Variants in EPHB1 observed in about 807,000 individuals in gnomAD.
The protein encoded by EPHB1 is ephrin type-B receptor 1.
In EPHB1, 30 loss-of-function variants were observed where a neutral mutation model predicts 94.4. The ratio of observed to expected loss-of-function variants is 0.32; its 90% CI spans 0.24 to 0.43. The LOEUF is 0.43. EPHB1 is among the 20% of genes least tolerant of loss of function. The pLI, the probability that EPHB1 is intolerant of heterozygous loss-of-function variation, is 1.00. For missense variants in EPHB1, 1,055 were observed against 1,308.3 expected (o/e 0.81, Z 2.99); for synonymous variants, 522 against 489.1 (o/e 1.07, Z -0.89).
chr3:134,835,269 A>T (rs1328338259), intron 1 of EPHB1, among the ~76,000 whole-genome samples: 1 of 152,248 alleles, frequency 6.6e-6, no homozygotes, highest in Non-Finnish European at 1.5e-5. Context: ...CAGAGAAACA[A>T]GTTCCATCCC....
intron 2 of EPHB1, among the ~76,000 whole-genome samples, chr3:134,938,216 G>T (rs1257963948): frequency 6.6e-6 from 1 of 152,174 alleles, no homozygotes; most frequent in Non-Finnish European, 1.5e-5. Flanking sequence ...TGTCATAATG[G>T]CTGAGGACCC....
intron 2 of EPHB1, among the ~76,000 whole-genome samples, chr3:134,945,474 C>T (rs2039201144): frequency 6.6e-6 from 1 of 152,090 alleles, no homozygotes; most frequent in African/African-American, 2.4e-5. Context: ...GTTATCACTA[C>T]AATTTTTAAA....
intron 3 of EPHB1, among the ~76,000 whole-genome samples, chr3:135,085,904 C>A (rs1938344879): frequency 6.6e-6 from 1 of 152,288 alleles, no homozygotes; most frequent in African/African-American, 2.4e-5. Flanking sequence ...TAGTGCCATA[C>A]ACACAAATTA....
At chr3:134,963,710 G>T (rs1933620107) in intron 3 of EPHB1, among the ~76,000 whole-genome samples, 2 of 152,054 alleles carry the variant, frequency 1.3e-5, no homozygotes, top group African/African-American at 4.8e-5. Context: ...GGTTCTGCTG[G>T]TAACCACTAT....
At chr3:135,048,267 T>TTC (rs964780589) in intron 3 of EPHB1, among the ~76,000 whole-genome samples, 5 of 132,054 alleles carry the variant, frequency 3.8e-5, no homozygotes, top group Admixed American at 1.5e-4. Flanking sequence ...TTCTTTTTTT[T>TTC]TTTTTTTTTT....
intron 4 of EPHB1, among the ~76,000 whole-genome samples, chr3:135,130,108 C>T (rs1221924015): frequency 1.3e-5 from 2 of 152,088 alleles, no homozygotes; most frequent in Admixed American, 6.5e-5. Flanking sequence ...GAGACTATAT[C>T]GGAGAAATGC....
chr3:135,086,233 G>T (rs1938356265), intron 3 of EPHB1, among the ~76,000 whole-genome samples: 2 of 151,744 alleles, frequency 1.3e-5, no homozygotes, highest in Admixed American at 1.3e-4. Context: ...TCCAGAATCA[G>T]CCAGGCCCAA....
chr3:135,255,313 TG>T, intron 15 of EPHB1, among the ~76,000 whole-genome samples: 1 of 152,104 alleles, frequency 6.6e-6, no homozygotes, highest in Admixed American at 6.6e-5. Context: ...TTTGTTAGGG[TG>T]TCAATTTTGG....
In EPHB1 at chr3:135,192,752, G is replaced by C; in HGVS notation, c.2059G>C (p.Val687Leu). The change falls in exon 11 of 16, where the codon GTC becomes CTC. Residue 687 changes from valine (V) to leucine (L), a missense_variant. Coordinates refer to ENST00000398015, the MANE Select transcript of EPHB1 (RefSeq NM_004441.5). ...HPNIIRLEGV[V>L]TKSRPVMIIT... ...TAACATCATTCGCCTGGAGGGTGTG[G>C]TCACCAAGAGTCGGCCTGTCATGAT... The C allele has an allele frequency of 6.2e-7, 1 of 1,614,168 alleles. No individual in the cohort carries two copies.
At chr3:135,082,160 G>T (rs933835560) in intron 3 of EPHB1, among the ~76,000 whole-genome samples, 1 of 152,172 alleles carries the variant, frequency 6.6e-6, no homozygotes, top group Non-Finnish European at 1.5e-5. Flanking sequence ...GCCATGTTCC[G>T]TGGGAGAACT....
Position 134,912,048 on chromosome 3 carries a change from T to G in EPHB1, c.59-13768T>G, listed in dbSNP as rs531537659. ...GAGGCAGATGGCAGCGTATTCCTTC[T>G]GATTAACGAGCCTGGGCCACCATCC... On this transcript the variant is annotated intron_variant, in intron 1 of 15. Coordinates refer to ENST00000398015, the MANE Select transcript of EPHB1 (RefSeq NM_004441.5). Among the ~76,000 whole-genome samples the G allele has an allele frequency of 1.8e-4, 27 of 152,340 alleles. No individual in the cohort carries two copies. The South Asian group carries it at 2.9e-3, about 16-fold the overall frequency.
intron 1 of EPHB1, among the ~76,000 whole-genome samples, chr3:134,883,639 T>TC (rs1267655768): frequency 1.1e-4 from 16 of 152,320 alleles, no homozygotes; most frequent in Middle Eastern, 3.4e-3. Context: ...CAAGTGGCCC[T>TC]CAAGGTATGA....
rs569796573 is a variant in EPHB1, at chr3:135,120,535, A to G, written c.962-12179A>G. Among the ~76,000 whole-genome samples the G allele has an allele frequency of 3.9e-5, 6 of 152,346 alleles. No individual in the cohort carries two copies. In the South Asian group the frequency reaches 6.2e-4, roughly 16 times the overall value. On this transcript the variant is annotated intron_variant, in intron 4 of 15. Coordinates refer to ENST00000398015, the MANE Select transcript of EPHB1 (RefSeq NM_004441.5). Reference sequence around the variant, plus strand: ...GTCACCAGAGATACACTGACCACCAAGGTTTCATTGCATGCCGTGAATTAC... The same window carrying G: ...GTCACCAGAGATACACTGACCACCAGGGTTTCATTGCATGCCGTGAATTAC...
intron 12 of EPHB1, among the ~76,000 whole-genome samples, chr3:135,214,667 G>T (rs1021409119): frequency 1.3e-5 from 2 of 152,170 alleles, no homozygotes; most frequent in African/African-American, 4.8e-5. Flanking sequence ...ATGAATTATT[G>T]TCTCAGCTGC....
At chr3:135,031,534 T>G (rs1005032575) in intron 3 of EPHB1, among the ~76,000 whole-genome samples, 1 of 152,224 alleles carries the variant, frequency 6.6e-6, no homozygotes, top group East Asian at 1.9e-4. Flanking sequence ...GGTCTTGAAC[T>G]CCTGGGCTCA....
chr3:135,165,016 G>A (rs965448542), intron 7 of EPHB1, among the ~76,000 whole-genome samples: 1 of 152,068 alleles, frequency 6.6e-6, no homozygotes, highest in South Asian at 2.1e-4. Context: ...ATTCGTATTT[G>A]CTATAGCTGG....
intron 1 of EPHB1, among the ~76,000 whole-genome samples, chr3:134,888,669 C>T (rs1426652529): frequency 6.9e-6 from 1 of 145,848 alleles, no homozygotes. Flanking sequence ...GATCACGCCA[C>T]TGCACTCCAG....
chr3:135,094,235 C>T (rs1305886975), intron 3 of EPHB1, among the ~76,000 whole-genome samples: 1 of 152,196 alleles, frequency 6.6e-6, no homozygotes, highest in Non-Finnish European at 1.5e-5. Context: ...CCTGCTCTGT[C>T]CCACTCCCCT....
At chr3:134,918,200 CT>C (rs1284702032) in intron 1 of EPHB1, among the ~76,000 whole-genome samples, 4 of 152,192 alleles carry the variant, frequency 2.6e-5, no homozygotes, top group African/African-American at 9.7e-5. Context: ...GAAGGAAGAC[CT>C]CCATGAGTAG....
Sources: allele counts gnomAD v4.1 joint callset (sites outside exome capture counted in the v4.1 genomes callset), GRCh38; gene constraint gnomAD v4.1.1; transcripts MANE v1.5; gene names NCBI Gene and HGNC (gene_info 2026-07-23, HGNC 2026-07-21).